Variants in NRG3 observed in about 807,000 individuals in gnomAD.
The protein encoded by NRG3 is neuregulin 3, also known as pro-neuregulin-3, membrane-bound isoform.
NRG3 carries 31 observed loss-of-function variants against 66.9 expected under a neutral mutation model. That is an observed-to-expected ratio of 0.46 (90% CI 0.35 to 0.63). The LOEUF (loss-of-function observed/expected upper bound fraction) is 0.63. NRG3 is among the 20% of genes least tolerant of loss of function. The pLI, the probability that NRG3 is intolerant of heterozygous loss-of-function variation, is 0.00. For missense variants in NRG3, 910 were observed against 878.9 expected, an observed-to-expected ratio of 1.04 and a Z score of -0.45; for synonymous variants, 393 against 359.4, an observed-to-expected ratio of 1.09 and a Z score of -1.06.
At chr10:82,095,849 C>T (rs1215526385) in intron 1 of NRG3, among the ~76,000 whole-genome samples, 1 of 152,168 alleles carries the variant, frequency 6.6e-6, no homozygotes, top group East Asian at 1.9e-4. Flanking sequence ...CCAAGGTATG[C>T]CAGCCATGAA....
chr10:82,057,118 C>A (rs2063881865), intron 1 of NRG3, among the ~76,000 whole-genome samples: 2 of 152,146 alleles, frequency 1.3e-5, no homozygotes, highest in Admixed American at 6.5e-5. Flanking sequence ...TAAAATATTT[C>A]TTTCCTATTT....
intron 1 of NRG3, among the ~76,000 whole-genome samples, chr10:81,917,329 T>G (rs2132825140): frequency 6.6e-6 from 1 of 152,320 alleles, no homozygotes; most frequent in African/African-American, 2.4e-5. Context: ...TAACCTTCTC[T>G]TTTGATTATA....
chr10:82,904,309 C>T (rs1265216232), intron 4 of NRG3, among the ~76,000 whole-genome samples: 1 of 152,130 alleles, frequency 6.6e-6, no homozygotes, highest in Non-Finnish European at 1.5e-5. Context: ...AGCCAAAAGA[C>T]TGGACACCCC....
chr10:81,997,029 A>T (rs181865831), intron 1 of NRG3, among the ~76,000 whole-genome samples: 1 of 152,180 alleles, frequency 6.6e-6, no homozygotes, highest in African/African-American at 2.4e-5. Flanking sequence ...TAGCCAAGAT[A>T]AGGCTGCTTA....
intron 1 of NRG3, among the ~76,000 whole-genome samples, chr10:82,151,976 A>G (rs1028651733): frequency 6.6e-5 from 10 of 152,244 alleles, no homozygotes; most frequent in African/African-American, 2.4e-4. Flanking sequence ...TAGATAGAAT[A>G]TAAAATACGT....
intron 2 of NRG3, among the ~76,000 whole-genome samples, chr10:82,612,062 T>C (rs1009103449): frequency 1.3e-5 from 2 of 152,228 alleles, no homozygotes; most frequent in Non-Finnish European, 2.9e-5. Flanking sequence ...TGCATAAATG[T>C]CTTCTTCTGA....
chr10:82,255,594 A>G (rs2077683118), intron 1 of NRG3, among the ~76,000 whole-genome samples: 1 of 152,008 alleles, frequency 6.6e-6, no homozygotes, highest in African/African-American at 2.4e-5. Context: ...TTTTTTTAAA[A>G]AACAAAAAAC....
chr10:82,430,144 A>G (rs945548097), intron 2 of NRG3, among the ~76,000 whole-genome samples: 19 of 152,126 alleles, frequency 1.2e-4, no homozygotes, highest in Non-Finnish European at 2.8e-4. Context: ...AGGTCATTCA[A>G]TGTCTTTTTC....
At chr10:82,715,203 T>C (rs1333901514) in intron 2 of NRG3, among the ~76,000 whole-genome samples, 2 of 152,180 alleles carry the variant, frequency 1.3e-5, no homozygotes, top group Non-Finnish European at 2.9e-5. Context: ...GAGACCAGCC[T>C]GAGCAACATG....
intron 2 of NRG3, among the ~76,000 whole-genome samples, chr10:82,423,910 C>T (rs1415446665): frequency 6.6e-6 from 1 of 151,932 alleles, no homozygotes; most frequent in African/African-American, 2.4e-5. Flanking sequence ...GATCATTTGT[C>T]CCTGGCTTCT....
At chr10:82,099,436 C>T (rs2066586449) in intron 1 of NRG3, among the ~76,000 whole-genome samples, 3 of 152,138 alleles carry the variant, frequency 2.0e-5, no homozygotes, top group Admixed American at 2.0e-4. Flanking sequence ...TCCAATTCCA[C>T]ATTGTCTTAA....
intron 1 of NRG3, among the ~76,000 whole-genome samples, chr10:82,187,329 T>C (rs2073865623): frequency 6.6e-6 from 1 of 152,206 alleles, no homozygotes; most frequent in Admixed American, 6.5e-5. Flanking sequence ...TCGCTTCTTA[T>C]ATGCCATTAA....
At chr10:82,063,988 TTCTGCCTCTTATCATGATCCAG>T (rs2064306145) in intron 1 of NRG3, among the ~76,000 whole-genome samples, 1 of 152,222 alleles carries the variant, frequency 6.6e-6, no homozygotes. Context: ...GAAAGGAATC[TTCTGCCTCTTATCATGATCCAG>T]TCTTGTATTT....
At chr10:82,833,577 G>T (rs1372501146) in intron 3 of NRG3, among the ~76,000 whole-genome samples, 2 of 152,122 alleles carry the variant, frequency 1.3e-5, no homozygotes, top group African/African-American at 4.8e-5. Context: ...CTGCCCTTCT[G>T]CATACCAGCA....
rs1403958116 is a variant in NRG3 at position 82,610,926 on chromosome 10, ATAAT to A, written c.954-127646_954-127643del. Among the ~76,000 whole-genome samples the A allele has an allele frequency of 6.6e-5, 10 of 152,312 alleles. No individual in the cohort carries two copies. The South Asian group carries it at 1.2e-3, about 19-fold the overall frequency. ...TTTTAACCAAATCTATATTTTGGAA[ATAAT>A]TAATAATATTTGGTAACAACTCAAT... On this transcript the variant is annotated intron_variant, in intron 2 of 8. Coordinates refer to ENST00000372141, the MANE Select transcript of NRG3 (RefSeq NM_001010848.4).
At chr10:82,190,959 G>T (rs550959544) in intron 1 of NRG3, among the ~76,000 whole-genome samples, 7 of 151,994 alleles carry the variant, frequency 4.6e-5, no homozygotes, top group African/African-American at 1.5e-4. Context: ...TGTATGCTTC[G>T]TAAGACTGAG....
At chr10:82,451,740 T>C (rs1449239278) in intron 2 of NRG3, among the ~76,000 whole-genome samples, 1 of 152,070 alleles carries the variant, frequency 6.6e-6, no homozygotes, top group Non-Finnish European at 1.5e-5. Flanking sequence ...GATTTCTCAT[T>C]TGGGTTTCTG....
intron 2 of NRG3, among the ~76,000 whole-genome samples, chr10:82,388,610 C>A (rs1046524861): frequency 3.3e-5 from 5 of 152,008 alleles, no homozygotes; most frequent in Non-Finnish European, 4.4e-5. Context: ...ACATCCTGGC[C>A]TCTAAATATG....
chr10:82,498,555 T>C (rs746088982), intron 2 of NRG3, among the ~76,000 whole-genome samples: 2 of 152,150 alleles, frequency 1.3e-5, no homozygotes, highest in Non-Finnish European at 2.9e-5. Flanking sequence ...GAATTTAAAA[T>C]TGCTTTTCAC....
Sources: allele counts gnomAD v4.1 joint callset (sites outside exome capture counted in the v4.1 genomes callset), GRCh38; gene constraint gnomAD v4.1.1; transcripts MANE v1.5; gene names NCBI Gene and HGNC (gene_info 2026-07-23, HGNC 2026-07-21).